The following PID1 variants were observed in gnomAD, a reference collection of about 807,000 sequenced individuals.
The protein encoded by PID1 is PTB-containing, cubilin and LRP1-interacting protein.
PID1 carries 10 observed loss-of-function variants against 19.1 expected under a neutral mutation model. That is an observed-to-expected ratio of 0.52 (90% CI 0.32 to 0.89). The LOEUF is 0.89. PID1 is among the 40% of genes least tolerant of loss of function. PID1 has a pLI of 0.03. For synonymous variants in PID1, 130 were observed against 116.0 expected (o/e 1.12, Z -0.78); for missense variants, 248 against 285.3 (o/e 0.87, Z 0.94).
At chr2:229,046,797 C>T (rs185809273) in intron 2 of PID1, among the ~76,000 whole-genome samples, 1,752 of 152,204 alleles carry the variant, frequency 0.012, 29 homozygotes, top group Non-Finnish European at 0.012. Flanking sequence ...TTGACGATAC[C>T]ATCTTGCTTT....
intron 2 of PID1, among the ~76,000 whole-genome samples, chr2:229,029,029 C>A (rs1365407339): frequency 6.6e-6 from 1 of 151,860 alleles, no homozygotes; most frequent in African/African-American, 2.4e-5. Context: ...ACATTGAGAA[C>A]ACATGGACAT....
chr2:229,068,925 G>A (rs1694389009), intron 2 of PID1, among the ~76,000 whole-genome samples: 1 of 152,160 alleles, frequency 6.6e-6, no homozygotes, highest in Admixed American at 6.5e-5. Flanking sequence ...ACGATGTGGT[G>A]CAGGCAGTCC....
At chr2:229,170,303 T>G (rs1353034641) in intron 1 of PID1, among the ~76,000 whole-genome samples, 1 of 152,182 alleles carries the variant, frequency 6.6e-6, no homozygotes, top group Non-Finnish European at 1.5e-5. Flanking sequence ...AAGGATGTTG[T>G]TATTTACCTT....
At chr2:229,063,869 A>T (rs1047289156) in intron 2 of PID1, among the ~76,000 whole-genome samples, 2 of 152,116 alleles carry the variant, frequency 1.3e-5, no homozygotes, top group African/African-American at 4.8e-5. Flanking sequence ...TCCATTTATC[A>T]TAATATAATA....
At chr2:229,038,381 A>C (rs926698543) in intron 2 of PID1, among the ~76,000 whole-genome samples, 15 of 152,186 alleles carry the variant, frequency 9.9e-5, no homozygotes, top group Non-Finnish European at 2.1e-4. Context: ...GATATGTGGA[A>C]CAACTTGGAT....
At chr2:229,110,443 G>A (rs1208243230) in intron 2 of PID1, among the ~76,000 whole-genome samples, 1 of 152,184 alleles carries the variant, frequency 6.6e-6, no homozygotes, top group African/African-American at 2.4e-5. Context: ...AAGAGGAGAA[G>A]AGGTTCTCTA....
chr2:229,038,108 T>C (rs1394233840), intron 2 of PID1, among the ~76,000 whole-genome samples: 1 of 152,142 alleles, frequency 6.6e-6, no homozygotes, highest in Non-Finnish European at 1.5e-5. Context: ...TGGCTACAAG[T>C]CTAGAGATTC....
intron 2 of PID1, among the ~76,000 whole-genome samples, chr2:229,122,093 T>A (rs115354501): frequency 1.3e-5 from 2 of 152,130 alleles, no homozygotes; most frequent in African/African-American, 4.8e-5. Context: ...CATAAACATC[T>A]TAAGAGAATT....
At chr2:229,106,314 G>A (rs192573852) in intron 2 of PID1, among the ~76,000 whole-genome samples, 2 of 152,130 alleles carry the variant, frequency 1.3e-5, no homozygotes, top group Non-Finnish European at 2.9e-5. Context: ...CACTTTGAGA[G>A]CAGAGACTAT....
intron 2 of PID1, among the ~76,000 whole-genome samples, chr2:229,125,687 T>A (rs1695608898): frequency 6.6e-6 from 1 of 152,176 alleles, no homozygotes. Context: ...AAATAAAAGA[T>A]GAGGATACAC....
At chr2:229,077,749 C>T (rs1316242681) in intron 2 of PID1, among the ~76,000 whole-genome samples, 2 of 151,972 alleles carry the variant, frequency 1.3e-5, no homozygotes, top group African/African-American at 2.4e-5. Context: ...TCTATATACC[C>T]GTTTTGGTAC....
chr2:229,150,950 G>T (rs1690238925), intron 2 of PID1, among the ~76,000 whole-genome samples: 1 of 150,774 alleles, frequency 6.6e-6, no homozygotes, highest in African/African-American at 2.4e-5. Flanking sequence ...ATGCTTTCTG[G>T]TTTCTGTAAG....
intron 2 of PID1, among the ~76,000 whole-genome samples, chr2:229,026,387 C>A (rs904603215): frequency 6.6e-6 from 1 of 152,008 alleles, no homozygotes; most frequent in Non-Finnish European, 1.5e-5. Context: ...TTTTTTAAAC[C>A]CCAATTAAAA....
At chr2:229,125,774 A>C in intron 2 of PID1, among the ~76,000 whole-genome samples, 1 of 152,212 alleles carries the variant, frequency 6.6e-6, no homozygotes, top group East Asian at 1.9e-4. Context: ...TGATATGAAC[A>C]CTTCATGCAC....
At chr2:229,126,372 A>C (rs1399242652) in intron 2 of PID1, among the ~76,000 whole-genome samples, 1 of 152,128 alleles carries the variant, frequency 6.6e-6, no homozygotes, top group Non-Finnish European at 1.5e-5. Flanking sequence ...ACCATTTGGA[A>C]AGTAATAAGC....
chr2:229,227,002 G>T lies in PID1; in HGVS notation c.30+44012C>A, dbSNP rs138625021. On this transcript the variant is annotated intron_variant, in intron 1 of 2. Transcript: ENST00000392055. ...AATCTCCATGCAAAATTTTCAAGAAGTCTGTGTTTAGGCAGAGAAATTGTT... is the reference window on the plus strand; with the variant it reads ...AATCTCCATGCAAAATTTTCAAGAATTCTGTGTTTAGGCAGAGAAATTGTT... Among the ~76,000 whole-genome samples the T allele has an allele frequency of 6.8e-3, 1,030 of 152,264 alleles. 13 individuals carry two copies. Among genetic ancestry groups the T allele is most frequent in the African/African-American group, 0.024 (997 of 41,548 alleles).
chr2:229,167,074 G>T (rs141505825), intron 1 of PID1, among the ~76,000 whole-genome samples: 2 of 151,072 alleles, frequency 1.3e-5, no homozygotes, highest in Non-Finnish European at 3.0e-5. Flanking sequence ...AAGAAGAAAC[G>T]AAAGAAGGGA....
At chr2:229,061,419 T>C (rs1694209819) in intron 2 of PID1, among the ~76,000 whole-genome samples, 1 of 151,992 alleles carries the variant, frequency 6.6e-6, no homozygotes, top group South Asian at 2.1e-4. Context: ...TGACTATAAA[T>C]TGGTGGGTAA....
chr2:229,223,422 C>T (rs536794397), intron 1 of PID1, among the ~76,000 whole-genome samples: 34 of 152,194 alleles, frequency 2.2e-4, no homozygotes, highest in Admixed American at 8.5e-4. Flanking sequence ...TGGTTAAAAC[C>T]TTTGTTACAA....
Sources: allele counts gnomAD v4.1 joint callset (sites outside exome capture counted in the v4.1 genomes callset), GRCh38; gene constraint gnomAD v4.1.1; transcripts MANE v1.5; gene names NCBI Gene and HGNC (gene_info 2026-07-23, HGNC 2026-07-21).